CATSPERB: variants seen among roughly 807,000 people sequenced by gnomAD.
The protein encoded by CATSPERB is catsper channel auxiliary subunit beta.
In CATSPERB, 93 loss-of-function variants were observed where a neutral mutation model predicts 128.3. The ratio of observed to expected loss-of-function variants is 0.72; its 90% CI spans 0.61 to 0.86. The LOEUF (loss-of-function observed/expected upper bound fraction) is 0.86, where lower values mean the gene tolerates loss of function less well. Among genes scored for constraint, CATSPERB ranks in the 40% least tolerant of loss-of-function variants. The pLI is 0.00. For missense variants in CATSPERB, 1,153 were observed against 1,329.5 expected, an observed-to-expected ratio of 0.87 and a Z score of 2.06; for synonymous variants, 381 against 448.8, an observed-to-expected ratio of 0.85 and a Z score of 1.91.
chr14:91,638,680 C>T (rs997817506), intron 16 of CATSPERB, among the ~76,000 whole-genome samples: 21 of 152,156 alleles, frequency 1.4e-4, no homozygotes, highest in African/African-American at 4.8e-4. Flanking sequence ...CCTCAGCCTC[C>T]CACAATGCTA....
chr14:91,689,854 T>C (rs758585575), intron 10 of CATSPERB, among the ~76,000 whole-genome samples: 19 of 152,202 alleles, frequency 1.2e-4, no homozygotes, highest in Non-Finnish European at 2.5e-4. Flanking sequence ...TTATTCCCCA[T>C]ATTGGTTCTC....
intron 3 of CATSPERB, among the ~76,000 whole-genome samples, 194 bp from the exon 4 acceptor site, chr14:91,723,383 T>C (rs1000810001): frequency 6.5e-4 from 99 of 152,276 alleles, no homozygotes; most frequent in African/African-American, 2.2e-3. Context: ...AATAATCTTT[T>C]CTATCATAGA....
chr14:91,708,023 A>G (rs1272973924), intron 6 of CATSPERB, 118 bp downstream of exon 6: 2 of 671,452 alleles, frequency 3.0e-6, no homozygotes, highest in Non-Finnish European at 5.2e-6. Flanking sequence ...ATTATCTCCT[A>G]TTTATTTATT....
At chr14:91,654,313 T>C (rs1743109) in intron 15 of CATSPERB, among the ~76,000 whole-genome samples, 30,908 of 152,130 alleles carry the variant, frequency 0.2, 3,350 homozygotes, top group African/African-American at 0.25. Context: ...CTGGGGTCTC[T>C]GATTCCAGGA....
At chr14:91,634,221 G>T (rs185696722) in intron 17 of CATSPERB, among the ~76,000 whole-genome samples, 2 of 152,190 alleles carry the variant, frequency 1.3e-5, no homozygotes, top group East Asian at 3.9e-4. Flanking sequence ...TAAGAAAATC[G>T]TAAGAAAGGG....
chr14:91,581,173 A>G (rs944854307), intron 26 of CATSPERB, 66 bp from the exon 27 acceptor site: 1 of 1,293,484 alleles, frequency 7.7e-7, no homozygotes, highest in African/African-American at 1.5e-5. Context: ...TGAAAATTTA[A>G]TGTTCCCCAC....
At chr14:91,628,325 T>A (rs183129318) in intron 17 of CATSPERB, among the ~76,000 whole-genome samples, 8 of 152,300 alleles carry the variant, frequency 5.3e-5, no homozygotes, top group Admixed American at 5.2e-4. Flanking sequence ...AATATAACAA[T>A]AAGAAAGTGT....
At chr14:91,729,306 A>G (rs1007685221) in intron 2 of CATSPERB, 95 bp downstream of exon 2, 3 of 511,536 alleles carry the variant, frequency 5.9e-6, no homozygotes, top group Non-Finnish European at 1.0e-5. Context: ...ATAAAGAAGA[A>G]ATACTAAAAG....
chr14:91,593,105 C>A (rs1436408040), intron 22 of CATSPERB, among the ~76,000 whole-genome samples: 4 of 152,346 alleles, frequency 2.6e-5, no homozygotes, highest in South Asian at 2.1e-4. Context: ...GGTTTGGGAA[C>A]CTCTGCCTAG....
At chr14:91,672,735 A>T in intron 13 of CATSPERB, 132 bp downstream of exon 13, 1 of 656,460 alleles carries the variant, frequency 1.5e-6, no homozygotes, top group Non-Finnish European at 2.5e-6. Flanking sequence ...TATTGATTTT[A>T]AATAATTTTG....
chr14:91,584,698 C>T (rs1038342868), intron 26 of CATSPERB, among the ~76,000 whole-genome samples: 7 of 152,184 alleles, frequency 4.6e-5, no homozygotes, highest in African/African-American at 1.4e-4. Flanking sequence ...AATCCTTCCT[C>T]CCCACTCAAC....
chr14:91,627,102 C>A (rs772696225), intron 17 of CATSPERB, among the ~76,000 whole-genome samples: 1 of 152,138 alleles, frequency 6.6e-6, no homozygotes, highest in Non-Finnish European at 1.5e-5. Flanking sequence ...CAATTTTTAA[C>A]CAATTAGTAA....
At chr14:91,714,498 T>C (rs568522282) in intron 5 of CATSPERB, among the ~76,000 whole-genome samples, 41 of 151,036 alleles carry the variant, frequency 2.7e-4, no homozygotes, top group Middle Eastern at 3.4e-3. Context: ...CAATGAACAA[T>C]TGGAAATCAA....
At chr14:91,646,989 C>T (rs4904801) in intron 15 of CATSPERB, among the ~76,000 whole-genome samples, 44,224 of 152,062 alleles carry the variant, frequency 0.29, 7,266 homozygotes, top group Admixed American at 0.48. Context: ...GAGGCTGAGG[C>T]GGGCAGATCA....
In CATSPERB at chr14:91,581,045, C is replaced by T. The variant is rs775176127; in HGVS notation, c.3195G>A (p.Ala1065=). 83 of 1,614,092 alleles carry T rather than the reference C, an allele frequency of 5.1e-5. No homozygotes were observed. In the Admixed American group the frequency reaches 5.7e-4, roughly 11 times the overall value. The stretch of plus-strand genomic sequence containing the variant: ...TAAAAATTAATCCCCCTAGCACTAC[C>T]GCTGTTGCCACGGCAATAAGCGTGT... ...PGHTLIAVAT[A]VVLGGLIFIA... Residue 1065 remains alanine, a synonymous_variant, in exon 27 of 27, where the codon GCG becomes GCA. Coordinates refer to ENST00000256343, the MANE Select transcript of CATSPERB (RefSeq NM_024764.4).
intron 22 of CATSPERB, among the ~76,000 whole-genome samples, chr14:91,606,251 T>C (rs776889240): frequency 1.8e-4 from 28 of 152,048 alleles, no homozygotes; most frequent in African/African-American, 6.8e-4. Context: ...GCTATGAGAT[T>C]CAGAAAGATG....
chr14:91,723,103 G>C lies in CATSPERB; in HGVS notation c.255C>G (p.Ser85Arg), dbSNP rs368125563. The change falls in exon 4 of 27, where the codon AGC becomes AGG. Residue 85 changes from serine to arginine, a missense_variant. Physicochemically the swap from Ser to Arg is moderately radical, Grantham distance 110. Transcript: ENST00000256343. ...SVFTSGGLAP[S>R]LGIMNSTYNG... ...TATATGTACTATTCATGATTCCCAA[G>C]CTGGGAGCAAGTCCTCCTGATGTGA... The C allele has an allele frequency of 1.3e-6, 2 of 1,550,958 alleles. No homozygotes were observed. Among genetic ancestry groups the C allele is most frequent in the Non-Finnish European group, 1.7e-6 (2 of 1,148,732 alleles).
chr14:91,594,409 A>G (rs1295091725), intron 22 of CATSPERB, among the ~76,000 whole-genome samples: 1 of 151,982 alleles, frequency 6.6e-6, no homozygotes, highest in Non-Finnish European at 1.5e-5. Context: ...GCACACCAAC[A>G]TGGCACATGT....
rs1234012127 is a variant in CATSPERB at position 91,639,270 on chromosome 14, A to G, written c.1433-20T>C. On this transcript the variant is annotated intron_variant, in intron 15 of 26. Transcript: ENST00000256343. ...CCATTCCTATTAGGAAATACAGAGA[A>G]GTGTCTTGATACTGATGTAACAGAA... The G allele has an allele frequency of 6.2e-7, 1 of 1,608,778 alleles. No homozygotes were observed. Among genetic ancestry groups the G allele is most frequent in the Admixed American group, 1.7e-5 (1 of 59,650 alleles).
Sources: allele counts gnomAD v4.1 joint callset (sites outside exome capture counted in the v4.1 genomes callset), GRCh38; gene constraint gnomAD v4.1.1; transcripts MANE v1.5; gene names NCBI Gene and HGNC (gene_info 2026-07-23, HGNC 2026-07-21).